Variants in JAK1 observed in about 807,000 individuals in gnomAD.
JAK1 encodes the protein tyrosine-protein kinase JAK1.
Under a neutral mutation model 136.6 loss-of-function variants are expected in JAK1, and 16 were observed. The observed-to-expected ratio is 0.12, with a 90% confidence interval of 0.08 to 0.18. The LOEUF is 0.18. JAK1 is among the 10% of genes least tolerant of loss of function. The pLI is 1.00. For synonymous variants in JAK1, 492 were observed against 519.5 expected (o/e 0.95, Z 0.72); for missense variants, 859 against 1,450.1 (o/e 0.59, Z 6.62).
chr1:65,059,199 T>C (rs1569970409), intron 1 of JAK1, among the ~76,000 whole-genome samples: 1 of 152,050 alleles, frequency 6.6e-6, no homozygotes, highest in South Asian at 2.1e-4. Context: ...TGCTAAGTTA[T>C]GGCGAACCCA....
intron 1 of JAK1, among the ~76,000 whole-genome samples, chr1:64,902,254 T>G (rs1645117578): frequency 6.6e-6 from 1 of 152,154 alleles, no homozygotes; most frequent in Non-Finnish European, 1.5e-5. Flanking sequence ...CTCCCTTTAG[T>G]GCTCTTCTCA....
At position 64,995,763 on chromosome 1, in the gene JAK1, G is replaced by A. The variant is rs141804191; in HGVS notation, c.-78+48717C>T. Among the ~76,000 whole-genome samples the A allele has an allele frequency of 3.9e-3, 586 of 152,050 alleles. 5 individuals carry two copies. Among genetic ancestry groups the A allele is most frequent in the African/African-American group, 0.012 (478 of 41,478 alleles). Reference sequence around the variant, plus strand: ...TGTTTTGTTTTGTTTTTGAAACAGGGGTCTCTCTCTGTCACTCAGGCTGGA... The same window carrying A: ...TGTTTTGTTTTGTTTTTGAAACAGGAGTCTCTCTCTGTCACTCAGGCTGGA... On this transcript the variant is annotated intron_variant, in intron 2 of 25. Coordinates refer to the JAK1 transcript ENST00000671954.
intron 2 of JAK1, among the ~76,000 whole-genome samples, chr1:65,018,856 A>G (rs1646913361): frequency 6.6e-6 from 1 of 151,854 alleles, no homozygotes; most frequent in Non-Finnish European, 1.5e-5. Context: ...TAAAAATACG[A>G]AAAAATTAGC....
chr1:65,025,759 C>T (rs1430992162), intron 2 of JAK1, among the ~76,000 whole-genome samples: 1 of 152,116 alleles, frequency 6.6e-6, no homozygotes, highest in Non-Finnish European at 1.5e-5. Flanking sequence ...CTCACTGTAG[C>T]CTCGACCTCC....
At chr1:64,867,847 A>G (rs1440878138) in intron 6 of JAK1, among the ~76,000 whole-genome samples, 1 of 152,106 alleles carries the variant, frequency 6.6e-6, no homozygotes, top group Non-Finnish European at 1.5e-5. Context: ...AAAAGTAGCC[A>G]GGTATGGTGG....
rs540426982 is a variant in JAK1, at chr1:64,834,480, G to C, written c.*82C>G. The C allele has an allele frequency of 1.0e-6, 1 of 959,102 alleles. No individual in the cohort carries two copies. The highest frequency in any genetic ancestry group is 1.4e-5 in the South Asian group (1 of 70,948). The allele number at this position is 959,102 out of a possible 1,614,324, so 59.4% of individuals were successfully genotyped here. A position where few individuals can be genotyped will look rare whatever the true frequency, so the allele number is the denominator to read the frequency against. On this transcript the variant is annotated 3_prime_UTR_variant, in exon 25 of 25. Transcript: ENST00000342505. The stretch of plus-strand genomic sequence containing the variant: ...GACAGAACACAAACTTCTTTCATTA[G>C]AAATTTTTAAAAAATGACTTGGGCA...
At position 64,883,295 on chromosome 1, in the gene JAK1, T is replaced by C; in HGVS notation, c.187A>G (p.Arg63Gly). ...TACTCACGGCATGCCTGTGCAGCCC[T>C]GATGCACAGTTCCTCTGCTGTGTAC... ...GEYTAEELCI[R>G]AAQACRISPL... Residue 63 changes from arginine (R) to glycine (G), a missense_variant, in exon 3 of 25, where the codon AGG (arginine) becomes GGG (glycine). Arg to Gly is a moderately radical substitution (Grantham distance 125, BLOSUM62 -2). Around this residue, in one of 4 missense-constraint regions of JAK1, gnomAD observed 353 missense variants for 494.0 expected, o/e 0.71. Coordinates refer to ENST00000342505, the MANE Select transcript of JAK1 (RefSeq NM_002227.4). The C allele has an allele frequency of 6.2e-7, 1 of 1,613,918 alleles. No homozygotes were observed. The highest frequency in any genetic ancestry group is 1.7e-5 in the Admixed American group (1 of 60,030).
chr1:64,897,509 AGGGGG>A (rs1486179888), intron 1 of JAK1, among the ~76,000 whole-genome samples: 3 of 192 alleles, frequency 0.016, 1 homozygote, highest in Non-Finnish European at 0.024. Context: ...AGGAGGGGGG[AGGGGG>A]AGGGGGAGGG....
At chr1:64,960,840 A>C (rs899463288) in intron 1 of JAK1, among the ~76,000 whole-genome samples, 1 of 152,192 alleles carries the variant, frequency 6.6e-6, no homozygotes, top group Non-Finnish European at 1.5e-5. Flanking sequence ...ATTTATGCTC[A>C]ACAACTTGAC....
At chr1:65,002,745 G>A (rs1189304143) in intron 2 of JAK1, among the ~76,000 whole-genome samples, 3 of 152,186 alleles carry the variant, frequency 2.0e-5, no homozygotes, top group Non-Finnish European at 4.4e-5. Context: ...CGCTCTTACC[G>A]AAAGCGCGAG....
At chr1:64,958,366 T>C (rs1309358265) in intron 1 of JAK1, among the ~76,000 whole-genome samples, 1 of 152,256 alleles carries the variant, frequency 6.6e-6, no homozygotes, top group East Asian at 1.9e-4. Flanking sequence ...ATCAAATGAT[T>C]TTCCCAAAAA....
intron 1 of JAK1, chr1:65,058,417 A>G: frequency 1.9e-6 from 1 of 534,158 alleles, no homozygotes; most frequent in South Asian, 1.4e-5. Context: ...GGCTCCTCTG[A>G]TGGAAGGTAA....
intron 2 of JAK1, among the ~76,000 whole-genome samples, chr1:64,976,567 G>C (rs1395906320): frequency 6.6e-6 from 1 of 152,110 alleles, no homozygotes; most frequent in Non-Finnish European, 1.5e-5. Context: ...CTCAGCTCTG[G>C]GATCACTCTC....
chr1:64,862,462 C>T (rs1037702751), intron 8 of JAK1, among the ~76,000 whole-genome samples: 1 of 152,204 alleles, frequency 6.6e-6, no homozygotes, highest in African/African-American at 2.4e-5. Context: ...ACAGTAAGGG[C>T]TAGCGTGGTA....
At chr1:64,998,379 C>T (rs923680340) in intron 2 of JAK1, among the ~76,000 whole-genome samples, 5 of 152,106 alleles carry the variant, frequency 3.3e-5, no homozygotes, top group South Asian at 2.1e-4. Flanking sequence ...CTTAAGCTAC[C>T]GTCCAGAAAA....
intron 17 of JAK1, 92 bp from the exon 18 acceptor site, chr1:64,841,693 G>A (rs1468116624): frequency 1.7e-5 from 22 of 1,261,998 alleles, no homozygotes; most frequent in African/African-American, 1.0e-4. Context: ...TTCCTCATTC[G>A]ATTCTCAACA....
At chr1:65,062,125 G>T (rs550660024) in intron 1 of JAK1, among the ~76,000 whole-genome samples, 1 of 152,108 alleles carries the variant, frequency 6.6e-6, no homozygotes, top group East Asian at 1.9e-4. Context: ...AGTCCAAAAA[G>T]GCTCCAGGAG....
At chr1:64,883,731 C>T (rs1195297388) in intron 2 of JAK1, among the ~76,000 whole-genome samples, 6 of 151,618 alleles carry the variant, frequency 4.0e-5, no homozygotes, top group South Asian at 4.2e-4. Flanking sequence ...TATGGTCAGA[C>T]CATATTTTCA....
intron 1 of JAK1, among the ~76,000 whole-genome samples, chr1:64,911,502 C>T (rs1185454869): frequency 2.0e-5 from 3 of 152,148 alleles, no homozygotes; most frequent in East Asian, 1.9e-4. Flanking sequence ...ACATTGTCTC[C>T]GTTTTACAGA....
Sources: gnomAD v4.1 joint callset for allele counts (sites outside exome capture counted in the v4.1 genomes callset) on GRCh38, gnomAD v4.1.1 for gene constraint, gnomAD v4.1.1 regional missense constraint, MANE v1.5 for transcripts, NCBI Gene and HGNC (gene_info 2026-07-23, HGNC 2026-07-21) for gene names.